The following ABHD12 variants were observed in gnomAD, a reference collection of about 807,000 sequenced individuals.
The protein encoded by ABHD12 is abhydrolase domain containing 12, lysophospholipase.
Under a neutral mutation model 58.3 loss-of-function variants are expected in ABHD12, and 43 were observed. The observed-to-expected ratio is 0.74, with a 90% CI of 0.58 to 0.95. The LOEUF (loss-of-function observed/expected upper bound fraction) is 0.95, where lower values mean the gene tolerates loss of function less well. ABHD12 is among the 40% of genes least tolerant of loss of function. ABHD12 has a pLI of 0.00. For missense variants in ABHD12, 539 were observed against 537.2 expected, an observed-to-expected ratio of 1.00 and a Z score of -0.03; for synonymous variants, 219 against 211.2, an observed-to-expected ratio of 1.04 and a Z score of -0.32.
Position 25,316,918 on chromosome 20 carries a change from G to C in ABHD12, c.573+130C>G, listed in dbSNP as rs903058085. On this transcript the variant is annotated intron_variant, in intron 5 of 12. Transcript: ENST00000339157. ...CTCCAGCCTGGGCAACAGAGGAGGA[G>C]GACCCTGTCTCACACACACAAACAG... 4 of 839,942 alleles carry C rather than the reference G, an allele frequency of 4.8e-6. No individual in the cohort carries two copies. The South Asian group carries it at 5.6e-5, about 12-fold the overall frequency. 52.0% of individuals were successfully genotyped at this position (839,942 alleles called of 1,614,324 possible).
At chr20:25,308,078 C>A in intron 8 of ABHD12, 33 bp from the exon 9 acceptor site, 1 of 1,434,296 alleles carries the variant, frequency 7.0e-7, no homozygotes, top group Non-Finnish European at 9.8e-7. Context: ...GAGAGGTAGG[C>A]AGGAAGCCAG....
At chr20:25,357,608 T>C (rs977666464) in intron 1 of ABHD12, among the ~76,000 whole-genome samples, 2 of 152,172 alleles carry the variant, frequency 1.3e-5, no homozygotes, top group African/African-American at 4.8e-5. Flanking sequence ...AGTAAGAATT[T>C]ATAAAAAATT....
At chr20:25,375,830 T>C (rs2089955580) in intron 1 of ABHD12, among the ~76,000 whole-genome samples, 1 of 152,174 alleles carries the variant, frequency 6.6e-6, no homozygotes. Context: ...TTTTAAAATA[T>C]GTCTATAATT....
At chr20:25,373,356 G>C (rs1485594496) in intron 1 of ABHD12, among the ~76,000 whole-genome samples, 3 of 152,110 alleles carry the variant, frequency 2.0e-5, no homozygotes, top group Non-Finnish European at 2.9e-5. Context: ...AGACCGGCCT[G>C]GCCAACATGG....
chr20:25,295,009 G>A (rs1568701551), exon 13 of ABHD12: 9 of 1,614,190 alleles, frequency 5.6e-6, no homozygotes, highest in Non-Finnish European at 7.6e-6. Flanking sequence ...GATCTGGGCT[G>A]GAACCTGGGC....
At chr20:25,329,689 G>T (rs2089236125) in intron 2 of ABHD12, among the ~76,000 whole-genome samples, 1 of 152,192 alleles carries the variant, frequency 6.6e-6, no homozygotes, top group Non-Finnish European at 1.5e-5. Context: ...TGAACAGGGG[G>T]CTAAGTCTCA....
In ABHD12 at chr20:25,390,763, G is replaced by C. The variant is rs1162251671; in HGVS notation, c.-60C>G. Reference sequence around the variant, plus strand: ...CGCTGGCCTGCGCCGCAGTGCCGCCGCTCACAGCCGCCGCCACCCAGAGCC... The same window carrying C: ...CGCTGGCCTGCGCCGCAGTGCCGCCCCTCACAGCCGCCGCCACCCAGAGCC... On this transcript the variant is annotated 5_prime_UTR_variant, in exon 1 of 13. Coordinates refer to ENST00000339157, the MANE Select transcript of ABHD12 (RefSeq NM_001042472.3). The C allele has an allele frequency of 1.6e-6, 1 of 621,626 alleles. No individual in the cohort carries two copies. The highest frequency in any genetic ancestry group is 2.2e-6 in the Non-Finnish European group (1 of 449,210). 38.5% of individuals were successfully genotyped at this position (621,626 alleles called of 1,614,324 possible). A position where few individuals can be genotyped will look rare whatever the true frequency, so the allele number is the denominator to read the frequency against.
chr20:25,339,063 T>A (rs2089418723), intron 2 of ABHD12, 164 bp downstream of exon 2: 1 of 1,402,136 alleles, frequency 7.1e-7, no homozygotes, highest in African/African-American at 1.5e-5. Flanking sequence ...TACCTATCTA[T>A]CTCTAAAGAT....
chr20:25,309,372 C>G, intron 7 of ABHD12, 74 bp downstream of exon 7: 4 of 1,607,884 alleles, frequency 2.5e-6, no homozygotes, highest in South Asian at 1.1e-5. Context: ...ATGGTGGACT[C>G]TCTAGATCCA....
intron 1 of ABHD12, among the ~76,000 whole-genome samples, chr20:25,376,288 G>A (rs2089962046): frequency 6.6e-6 from 1 of 152,136 alleles, no homozygotes; most frequent in Non-Finnish European, 1.5e-5. Flanking sequence ...AAGACTAACA[G>A]ATTAAATTCT....
At chr20:25,327,670 A>C (rs1253336965) in intron 2 of ABHD12, among the ~76,000 whole-genome samples, 1 of 152,114 alleles carries the variant, frequency 6.6e-6, no homozygotes, top group Non-Finnish European at 1.5e-5. Flanking sequence ...TTCTGGAAAC[A>C]AACCTCCTTG....
At chr20:25,366,956 AT>A (rs986464504) in intron 1 of ABHD12, among the ~76,000 whole-genome samples, 5 of 151,620 alleles carry the variant, frequency 3.3e-5, no homozygotes, top group African/African-American at 1.2e-4. Flanking sequence ...TCTGTAGGTC[AT>A]TTTTTTTCTT....
rs138923781 is a variant in ABHD12, at chr20:25,330,041, A to G, written c.317-6611T>C. ...GAAGACGGGTGATTTCTGCATTTCC[A>G]TCTGAGGTACCAGGTTCATCTCACT... is the stretch of plus-strand genomic sequence containing the variant. On this transcript the variant is annotated intron_variant, in intron 2 of 12. Coordinates refer to ENST00000339157, the MANE Select transcript of ABHD12 (RefSeq NM_001042472.3). 2.0e-3 allele frequency among the ~76,000 whole-genome samples: 305 copies of G among 152,348 alleles called. 10 individuals are homozygous for G. The East Asian group carries it at 0.055, about 28-fold the overall frequency.
At chr20:25,369,741 A>G (rs750105689) in intron 1 of ABHD12, among the ~76,000 whole-genome samples, 3 of 152,162 alleles carry the variant, frequency 2.0e-5, no homozygotes, top group Non-Finnish European at 4.4e-5. Flanking sequence ...CTATTTTATA[A>G]CTTCACACTG....
chr20:25,359,349 G>A (rs1273143444), intron 1 of ABHD12, among the ~76,000 whole-genome samples: 3 of 148,302 alleles, frequency 2.0e-5, no homozygotes, highest in Admixed American at 6.7e-5. Context: ...GCGTGAACCC[G>A]GGAGGCGGAG....
chr20:25,377,549 G>A (rs2089975581), intron 1 of ABHD12, among the ~76,000 whole-genome samples: 2 of 152,128 alleles, frequency 1.3e-5, no homozygotes, highest in Admixed American at 1.3e-4. Flanking sequence ...GATCAGAGGA[G>A]ATGGCCACAC....
At chr20:25,297,844 G>C (rs2145909369), downstream of ABHD12, 1 of 151,240 alleles carries the variant, frequency 6.6e-6, no homozygotes, top group South Asian at 2.1e-4. Context: ...GCAAGTGCTG[G>C]GCTGTGGTCG....
chr20:25,323,018 G>A (rs1462912758), intron 3 of ABHD12, among the ~76,000 whole-genome samples: 4 of 152,098 alleles, frequency 2.6e-5, no homozygotes, highest in African/African-American at 4.8e-5. Flanking sequence ...CCACTGTGCC[G>A]GCCACTTATA....
intron 5 of ABHD12, 96 bp downstream of exon 5, chr20:25,316,952 T>C (rs1029279151): frequency 2.7e-6 from 3 of 1,129,508 alleles, no homozygotes; most frequent in Non-Finnish European, 4.0e-6. Context: ...AGCCCAGCAA[T>C]AGTTAACTCT....
Sources: allele counts gnomAD v4.1 joint callset (sites outside exome capture counted in the v4.1 genomes callset), GRCh38; gene constraint gnomAD v4.1.1; transcripts MANE v1.5; gene names NCBI Gene and HGNC (gene_info 2026-07-23, HGNC 2026-07-21).